MCC: variants seen among roughly 807,000 people sequenced by gnomAD.
MCC encodes the protein colorectal mutant cancer protein.
In MCC, 90 loss-of-function variants were observed where a neutral mutation model predicts 116.2. The ratio of observed to expected loss-of-function variants is 0.77; its 90% CI spans 0.65 to 0.92. The LOEUF (loss-of-function observed/expected upper bound fraction) is 0.92. MCC is among the 40% of genes least tolerant of loss of function. The pLI, the probability that MCC is intolerant of heterozygous loss-of-function variation, is 0.00. For synonymous variants in MCC, 578 were observed against 510.5 expected (o/e 1.13, Z -1.78); for missense variants, 1,516 against 1,312.2 (o/e 1.16, Z -2.40).
chr5:113,397,901 C>G (rs1580330133), intron 1 of MCC, among the ~76,000 whole-genome samples: 1 of 152,228 alleles, frequency 6.6e-6, no homozygotes, highest in African/African-American at 2.4e-5. Flanking sequence ...AGTAAACAGA[C>G]AGCCTACAGA....
At chr5:113,170,935 C>T (rs962902603) in intron 3 of MCC, among the ~76,000 whole-genome samples, 6 of 152,090 alleles carry the variant, frequency 3.9e-5, no homozygotes, top group Admixed American at 6.6e-5. Flanking sequence ...CCACACTGGG[C>T]GTTCTGCATC....
intron 1 of MCC, among the ~76,000 whole-genome samples, chr5:113,423,682 C>T (rs1770402361): frequency 6.6e-6 from 1 of 152,158 alleles, no homozygotes; most frequent in South Asian, 2.1e-4. Context: ...CCAGTGAATG[C>T]AGGTGACGTT....
intron 3 of MCC, among the ~76,000 whole-genome samples, chr5:113,302,175 A>G (rs946873032): frequency 6.6e-6 from 1 of 152,232 alleles, no homozygotes; most frequent in East Asian, 1.9e-4. Context: ...AGCCAGACAC[A>G]TGATTTCTGA....
intron 8 of MCC, 45 bp from the exon 9 acceptor site, chr5:113,085,355 T>C (rs753695129): frequency 2.6e-6 from 4 of 1,560,596 alleles, no homozygotes; most frequent in Non-Finnish European, 2.6e-6. Flanking sequence ...TTTCCCTGGC[T>C]AAAGAGCAAA....
In MCC at chr5:113,023,171, C is replaced by T. The variant is rs1251245533; in HGVS notation, c.*4131G>A. ...TTAGAGTAATTTCAGGTGTGTTAAA[C>T]AGGAGATGCTTCTGAAGGCCACAAG... On this transcript the variant is annotated 3_prime_UTR_variant, in exon 19 of 19. Transcript: ENST00000408903. 6.6e-6 allele frequency: 1 copy of T among 152,162 alleles called. No individual in the cohort carries two copies. The highest frequency in any genetic ancestry group is 2.4e-5 in the African/African-American group (1 of 41,428). The allele number at this position is 152,162 out of a possible 1,614,324, so 9.4% of individuals were successfully genotyped here. A position where few individuals can be genotyped will look rare whatever the true frequency, so the allele number is the denominator to read the frequency against.
intron 6 of MCC, among the ~76,000 whole-genome samples, chr5:113,119,749 T>A (rs1336709447): frequency 6.6e-6 from 1 of 151,388 alleles, no homozygotes; most frequent in Non-Finnish European, 1.5e-5. Context: ...GTGTCAACAC[T>A]GGGCAGGGAA....
chr5:113,162,267 A>G (rs1760530771), intron 3 of MCC, among the ~76,000 whole-genome samples: 1 of 152,332 alleles, frequency 6.6e-6, no homozygotes, highest in South Asian at 2.1e-4. Context: ...AAACAGTTTC[A>G]TGGTTAAGGA....
intron 1 of MCC, among the ~76,000 whole-genome samples, chr5:113,408,315 G>A (rs1376200062): frequency 6.6e-6 from 1 of 152,094 alleles, no homozygotes; most frequent in Non-Finnish European, 1.5e-5. Flanking sequence ...GCATACACAT[G>A]ACACTAATTT....
At chr5:113,068,660 C>G (rs1753799679) in intron 12 of MCC, among the ~76,000 whole-genome samples, 1 of 152,260 alleles carries the variant, frequency 6.6e-6, no homozygotes, top group South Asian at 2.1e-4. Flanking sequence ...TCTCACTTCA[C>G]TATCTTGGAC....
At chr5:113,215,073 T>A (rs1012335641) in intron 3 of MCC, among the ~76,000 whole-genome samples, 8 of 152,130 alleles carry the variant, frequency 5.3e-5, no homozygotes, top group African/African-American at 1.9e-4. Context: ...CACCACCCCC[T>A]TTACCCTTTA....
At chr5:113,176,946 G>C (rs140225570) in intron 3 of MCC, among the ~76,000 whole-genome samples, 71 of 152,234 alleles carry the variant, frequency 4.7e-4, no homozygotes, top group African/African-American at 1.6e-3. Flanking sequence ...TCTCTAAACT[G>C]TTCTCCAAAG....
intron 5 of MCC, among the ~76,000 whole-genome samples, chr5:113,126,950 T>G (rs1019071570): frequency 1.3e-5 from 2 of 152,292 alleles, no homozygotes; most frequent in South Asian, 4.1e-4. Flanking sequence ...CTTGGGGGGT[T>G]TGTTGTACAG....
intron 16 of MCC, among the ~76,000 whole-genome samples, chr5:113,046,303 G>A (rs1331789223): frequency 6.6e-6 from 1 of 151,806 alleles, no homozygotes; most frequent in Non-Finnish European, 1.5e-5. Context: ...AGCAGTTCTT[G>A]TGCCGCAGCC....
intron 3 of MCC, among the ~76,000 whole-genome samples, chr5:113,313,485 T>C (rs533634690): frequency 2.6e-4 from 39 of 152,298 alleles, no homozygotes; most frequent in African/African-American, 8.4e-4. Context: ...GTTCCTGTCA[T>C]ATCTGATAGC....
chr5:113,347,382 G>A (rs545537323), intron 2 of MCC, among the ~76,000 whole-genome samples: 11 of 149,910 alleles, frequency 7.3e-5, no homozygotes, highest in South Asian at 2.1e-4. Context: ...TTTTCTTTTC[G>A]TGTTTTTTTG....
At chr5:113,200,159 A>C (rs550208478) in intron 3 of MCC, among the ~76,000 whole-genome samples, 1 of 152,310 alleles carries the variant, frequency 6.6e-6, no homozygotes, top group East Asian at 1.9e-4. Context: ...ACAGTGGAAG[A>C]CAGTAAATAT....
intron 3 of MCC, among the ~76,000 whole-genome samples, chr5:113,195,956 A>G (rs950865455): frequency 1.2e-4 from 19 of 152,084 alleles, no homozygotes; most frequent in African/African-American, 4.3e-4. Flanking sequence ...AGGGAGAAGG[A>G]TGTTTTCTCT....
At position 113,207,171 on chromosome 5, in the gene MCC, T is replaced by C. The variant is rs527352957; in HGVS notation, c.628-55749A>G. ...ACATGAATTTGGGGGTTAGAGACTT[T>C]GGAATCAGACAGATTCGTATTTGAG... On this transcript the variant is annotated intron_variant, in intron 3 of 18. Coordinates refer to ENST00000408903, the MANE Select transcript of MCC (RefSeq NM_001085377.2). Among the ~76,000 whole-genome samples the C allele has an allele frequency of 3.3e-5, 5 of 152,306 alleles. No homozygotes were observed. In the South Asian group the frequency reaches 8.3e-4, roughly 25 times the overall value.
chr5:113,340,654 G>C lies in MCC; in HGVS notation c.492C>G (p.Ser164Arg), dbSNP rs759360691. The C allele has an allele frequency of 6.2e-7, 1 of 1,614,154 alleles. No homozygotes were observed. Among genetic ancestry groups the C allele is most frequent in the African/African-American group, 1.3e-5 (1 of 75,058 alleles). The change falls in exon 3 of 19, where the codon AGC (serine) becomes AGG (arginine). Residue 164 changes from serine (S) to arginine (R), a missense_variant. Transcript: ENST00000408903. ...CGAGCAGCTTCTGGAGGGCTGACTG[G>C]CTCTGCACATCCGGGCTCTGGAGGT... ...ARDLQSPDVQSQSALQKLLEY... is the reference protein window; with the variant it reads ...ARDLQSPDVQRQSALQKLLEY...
Sources: gnomAD v4.1 joint callset for allele counts (sites outside exome capture counted in the v4.1 genomes callset) on GRCh38, gnomAD v4.1.1 for gene constraint, MANE v1.5 for transcripts, NCBI Gene and HGNC (gene_info 2026-07-23, HGNC 2026-07-21) for gene names.